Variants in KPNA4 observed in about 807,000 individuals in gnomAD.
KPNA4 encodes karyopherin subunit alpha 4.
Under a neutral mutation model 71.3 loss-of-function variants are expected in KPNA4, and 13 were observed. That is an observed-to-expected ratio of 0.18 (90% CI 0.12 to 0.29). The LOEUF (loss-of-function observed/expected upper bound fraction) is 0.29, where lower values mean the gene tolerates loss of function less well. Ranked by LOEUF, KPNA4 falls within the 10% of genes least tolerant of loss-of-function variation. The probability of loss-of-function intolerance (pLI) is 1.00; values close to 1 mark genes in which losing one functional copy is unlikely to be tolerated. For synonymous variants in KPNA4, 189 were observed against 195.2 expected, an observed-to-expected ratio of 0.97 and a Z score of 0.26; for missense variants, 334 against 603.2, an observed-to-expected ratio of 0.55 and a Z score of 4.67.
At chr3:160,532,333 C>A (rs1301042975) in intron 5 of KPNA4, among the ~76,000 whole-genome samples, 2 of 152,140 alleles carry the variant, frequency 1.3e-5, no homozygotes, top group African/African-American at 4.8e-5. Context: ...ATGACAAAAG[C>A]AGGTAGTCTG....
chr3:160,510,143 A>T, intron 13 of KPNA4, among the ~76,000 whole-genome samples: 1 of 152,178 alleles, frequency 6.6e-6, no homozygotes, highest in East Asian at 1.9e-4. Flanking sequence ...TGATAAAATG[A>T]AATAAAAATA....
intron 12 of KPNA4, among the ~76,000 whole-genome samples, chr3:160,514,398 C>T (rs1489395913): frequency 3.3e-5 from 5 of 152,116 alleles, no homozygotes; most frequent in Admixed American, 1.3e-4. Context: ...ACTAACCCTT[C>T]GGAAGAATTA....
chr3:160,528,446 AC>A (rs1288474488), intron 7 of KPNA4, among the ~76,000 whole-genome samples: 8 of 152,106 alleles, frequency 5.3e-5, no homozygotes, highest in African/African-American at 1.7e-4. Flanking sequence ...GCTCACTGCA[AC>A]CTCTGCCTCC....
chr3:160,552,676 G>A (rs1052130211), intron 1 of KPNA4, among the ~76,000 whole-genome samples: 4 of 152,232 alleles, frequency 2.6e-5, no homozygotes, highest in Non-Finnish European at 4.4e-5. Context: ...ACTTTGAAGC[G>A]AGATTCAAAG....
chr3:160,555,041 G>C (rs1722109875), intron 1 of KPNA4, among the ~76,000 whole-genome samples: 1 of 152,112 alleles, frequency 6.6e-6, no homozygotes, highest in South Asian at 2.1e-4. Flanking sequence ...TCTGAAGTGG[G>C]GGACACTCCC....
At chr3:160,516,278 C>T (rs1337272343) in intron 11 of KPNA4, among the ~76,000 whole-genome samples, 1 of 152,134 alleles carries the variant, frequency 6.6e-6, no homozygotes, top group Non-Finnish European at 1.5e-5. Flanking sequence ...AGGCATGAGC[C>T]ACTGCACCCT....
chr3:160,558,928 A>G (rs921179986), intron 1 of KPNA4, among the ~76,000 whole-genome samples: 10 of 152,176 alleles, frequency 6.6e-5, no homozygotes, highest in African/African-American at 2.4e-4. Flanking sequence ...AACAGTAAAA[A>G]ATGATTACTT....
At chr3:160,503,780 T>A (rs926764545) in intron 16 of KPNA4, among the ~76,000 whole-genome samples, 1 of 152,212 alleles carries the variant, frequency 6.6e-6, no homozygotes, top group African/African-American at 2.4e-5. Context: ...CGATCAAAGT[T>A]ACTCTTAAAA....
Position 160,505,067 on chromosome 3 carries a change from G to A in KPNA4, c.1373-15C>T. On this transcript the variant is annotated splice_polypyrimidine_tract_variant and intron_variant, in intron 15 of 16. Coordinates refer to ENST00000334256, the MANE Select transcript of KPNA4 (RefSeq NM_002268.5). Reference sequence around the variant, plus strand: ...TTTCTCCAGCCCTGCAAGAAATTTTGCAATGTGAAACAATAGTAATATTTA... The same window carrying A: ...TTTCTCCAGCCCTGCAAGAAATTTTACAATGTGAAACAATAGTAATATTTA... 1.4e-6 allele frequency: 2 copies of A among 1,387,220 alleles called. No individual in the cohort carries two copies. Among genetic ancestry groups the A allele is most frequent in the Non-Finnish European group, 2.0e-6 (2 of 1,020,298 alleles). 85.9% of individuals were successfully genotyped at this position (1,387,220 alleles called of 1,614,324 possible).
Position 160,565,334 on chromosome 3 carries a change from A to C in KPNA4, c.-52T>G. Reference sequence around the variant, plus strand: ...CCCGGGCCCCGCGGGATCCGCCCCAACCAACGCGCCGCACCGACACTCCCA... The same window carrying C: ...CCCGGGCCCCGCGGGATCCGCCCCACCCAACGCGCCGCACCGACACTCCCA... On this transcript the variant is annotated 5_prime_UTR_variant, in exon 1 of 17. Coordinates refer to ENST00000334256, the MANE Select transcript of KPNA4 (RefSeq NM_002268.5). 1.4e-6 allele frequency: 2 copies of C among 1,456,046 alleles called. No individual in the cohort carries two copies. Among genetic ancestry groups the C allele is most frequent in the Non-Finnish European group, 1.9e-6 (2 of 1,062,452 alleles). 90.2% of individuals were successfully genotyped at this position (1,456,046 alleles called of 1,614,324 possible).
At chr3:160,531,629 TGACA>T in intron 5 of KPNA4, 72 bp from the exon 6 acceptor site, 1 of 730,582 alleles carries the variant, frequency 1.4e-6, no homozygotes, top group Non-Finnish European at 2.1e-6. Context: ...AATTCATATT[TGACA>T]AATATTAACA....
chr3:160,548,066 T>C (rs757713212), intron 1 of KPNA4, among the ~76,000 whole-genome samples: 1 of 152,204 alleles, frequency 6.6e-6, no homozygotes, highest in Non-Finnish European at 1.5e-5. Context: ...CGTGCTATTG[T>C]TGGGTCATAT....
intron 7 of KPNA4, among the ~76,000 whole-genome samples, chr3:160,530,019 C>T (rs1390120476): frequency 6.6e-6 from 1 of 150,836 alleles, no homozygotes; most frequent in African/African-American, 2.4e-5. Flanking sequence ...CCTGTAGCCC[C>T]AGGTACTTGG....
intron 1 of KPNA4, among the ~76,000 whole-genome samples, chr3:160,563,396 A>T (rs1232493909): frequency 6.6e-6 from 1 of 152,230 alleles, no homozygotes; most frequent in Non-Finnish European, 1.5e-5. Flanking sequence ...TTGGAGAGTG[A>T]CTGTTAATGA....
chr3:160,539,985 TTC>T (rs1292710287), intron 1 of KPNA4, among the ~76,000 whole-genome samples: 2 of 148,182 alleles, frequency 1.3e-5, no homozygotes, highest in Non-Finnish European at 1.5e-5. Flanking sequence ...ACGAAAAATT[TTC>T]TTTTTCTTTT....
At chr3:160,552,566 C>T (rs1722061840) in intron 1 of KPNA4, among the ~76,000 whole-genome samples, 2 of 152,092 alleles carry the variant, frequency 1.3e-5, no homozygotes, top group African/African-American at 4.8e-5. Flanking sequence ...GAGAAACTAA[C>T]ATTGAGTAAA....
intron 1 of KPNA4, among the ~76,000 whole-genome samples, chr3:160,562,586 G>T (rs543552930): frequency 6.6e-6 from 1 of 152,124 alleles, no homozygotes; most frequent in Non-Finnish European, 1.5e-5. Context: ...CCACTGTACT[G>T]TTCTCTAAAT....
Position 160,565,370 on chromosome 3 carries a change from C to T in KPNA4, c.-88G>A, listed in dbSNP as rs1407636011. On this transcript the variant is annotated 5_prime_UTR_variant, in exon 1 of 17. Transcript: ENST00000334256. Reference sequence around the variant, plus strand: ...GCACCGACACTCCCAGGAACCGGGCCGCCGCCTGAGCTGCTGTGCCCGCCG... The same window carrying T: ...GCACCGACACTCCCAGGAACCGGGCTGCCGCCTGAGCTGCTGTGCCCGCCG... The T allele has an allele frequency of 1.8e-6, 2 of 1,133,976 alleles. No individual in the cohort carries two copies. Among genetic ancestry groups the T allele is most frequent in the South Asian group, 1.4e-5 (1 of 73,360 alleles). 70.2% of individuals were successfully genotyped at this position (1,133,976 alleles called of 1,614,324 possible).
intron 1 of KPNA4, among the ~76,000 whole-genome samples, chr3:160,542,338 T>C (rs1369755642): frequency 3.3e-5 from 5 of 152,184 alleles, no homozygotes; most frequent in African/African-American, 1.2e-4. Context: ...ACTAGAAAAG[T>C]ATGTTTTCCT....
Sources: allele counts gnomAD v4.1 joint callset (sites outside exome capture counted in the v4.1 genomes callset), GRCh38; gene constraint gnomAD v4.1.1; transcripts MANE v1.5; gene names NCBI Gene and HGNC (gene_info 2026-07-23, HGNC 2026-07-21).